CHSY3: variants seen among roughly 807,000 people sequenced by gnomAD.
The protein encoded by CHSY3 is chondroitin sulfate synthase 3, also known as N-acetylgalactosaminyl-proteoglycan 3-beta-glucuronosyltransferase 3.
In CHSY3, 35 loss-of-function variants were observed where a neutral mutation model predicts 67.2. The ratio of observed to expected loss-of-function variants is 0.52; its 90% CI spans 0.40 to 0.69. CHSY3 has a LOEUF of 0.69. Among genes scored for constraint, CHSY3 ranks in the 30% least tolerant of loss-of-function variants. The pLI, the probability that CHSY3 is intolerant of heterozygous loss-of-function variation, is 0.00. For synonymous variants in CHSY3, 474 were observed against 434.7 expected, an observed-to-expected ratio of 1.09 and a Z score of -1.12; for missense variants, 1,069 against 1,138.5, an observed-to-expected ratio of 0.94 and a Z score of 0.88.
At chr5:129,923,138 A>G (rs916354254) in intron 2 of CHSY3, among the ~76,000 whole-genome samples, 5 of 152,184 alleles carry the variant, frequency 3.3e-5, no homozygotes, top group African/African-American at 9.7e-5. Context: ...GAGGAGATGG[A>G]CTTAAGAGCT....
intron 2 of CHSY3, among the ~76,000 whole-genome samples, chr5:129,909,404 AAC>A (rs1326684220): frequency 6.6e-6 from 1 of 152,098 alleles, no homozygotes; most frequent in African/African-American, 2.4e-5. Context: ...GAAGTCACCA[AAC>A]ACACAGTTTC....
intron 2 of CHSY3, among the ~76,000 whole-genome samples, chr5:130,084,959 C>T (rs534520277): frequency 7.2e-5 from 11 of 152,098 alleles, no homozygotes; most frequent in African/African-American, 2.6e-4. Context: ...TCTTATCACA[C>T]TTACAGAGTC....
chr5:130,084,388 C>T (rs1766543196), intron 2 of CHSY3, among the ~76,000 whole-genome samples: 1 of 151,870 alleles, frequency 6.6e-6, no homozygotes, highest in Non-Finnish European at 1.5e-5. Flanking sequence ...GATCATTCCA[C>T]AATGTAGACA....
In CHSY3 at chr5:130,001,388, C is replaced by G. The variant is rs150218914; in HGVS notation, c.1086+93028C>G. ...TCTTCTTCCTCCTACTCTTCTTCTC[C>G]TTTTCCTCCAGAGTTAGTAGGCTGC... On this transcript the variant is annotated intron_variant, in intron 2 of 2. Transcript: ENST00000305031. 402 of 900,980 alleles carry G rather than the reference C, an allele frequency of 4.5e-4. 1 individual carries two copies. The African/African-American group carries it at 6.2e-3, about 14-fold the overall frequency. 55.8% of individuals were successfully genotyped at this position (900,980 alleles called of 1,614,324 possible).
intron 2 of CHSY3, among the ~76,000 whole-genome samples, chr5:130,091,146 G>GCC (rs1554082166): frequency 6.7e-6 from 1 of 149,440 alleles, no homozygotes; most frequent in Admixed American, 6.6e-5. Flanking sequence ...GCACACGCGC[G>GCC]CACACACACA....
chr5:130,122,569 CT>C (rs1425781779), intron 2 of CHSY3, among the ~76,000 whole-genome samples: 1 of 152,196 alleles, frequency 6.6e-6, no homozygotes, highest in African/African-American at 2.4e-5. Flanking sequence ...GTTTGTATCA[CT>C]TTGGAAGGGA....
At chr5:130,117,747 A>G (rs1767862162) in intron 2 of CHSY3, among the ~76,000 whole-genome samples, 1 of 152,216 alleles carries the variant, frequency 6.6e-6, no homozygotes, top group South Asian at 2.1e-4. Flanking sequence ...CTGGTATCAA[A>G]CACATCATAA....
chr5:129,958,058 T>C (rs908808473), intron 2 of CHSY3, among the ~76,000 whole-genome samples: 1 of 152,192 alleles, frequency 6.6e-6, no homozygotes, highest in African/African-American at 2.4e-5. Flanking sequence ...ATTTTTAAAA[T>C]GTGAATTTTT....
intron 2 of CHSY3, among the ~76,000 whole-genome samples, chr5:129,950,967 CACA>C (rs1338415014): frequency 6.6e-6 from 1 of 152,112 alleles, no homozygotes; most frequent in Non-Finnish European, 1.5e-5. Context: ...AAGCTGGTGG[CACA>C]ACATTTCCTG....
chr5:130,029,677 T>A (rs535396978), intron 2 of CHSY3, among the ~76,000 whole-genome samples: 8 of 152,298 alleles, frequency 5.3e-5, no homozygotes, highest in Admixed American at 1.3e-4. Flanking sequence ...CCTCTTTTTT[T>A]TAAAATAAAA....
At chr5:130,108,050 A>G (rs747929762) in intron 2 of CHSY3, among the ~76,000 whole-genome samples, 7 of 151,612 alleles carry the variant, frequency 4.6e-5, no homozygotes, top group Non-Finnish European at 7.4e-5. Context: ...AATTGCTTAT[A>G]ATTTACAAAG....
chr5:130,094,732 T>G (rs1333164663), intron 2 of CHSY3, among the ~76,000 whole-genome samples: 3 of 152,100 alleles, frequency 2.0e-5, no homozygotes, highest in Non-Finnish European at 4.4e-5. Context: ...CAGTAACAAA[T>G]GAATCTTAAC....
Position 129,999,290 on chromosome 5 carries a change from G to T in CHSY3, c.1086+90930G>T, listed in dbSNP as rs73785843. ...GAAAATTGAATGGAAAAAATGAAGAGACTGTTATGATTGAAAACAATATTA... is the reference window on the plus strand; with the variant it reads ...GAAAATTGAATGGAAAAAATGAAGATACTGTTATGATTGAAAACAATATTA... On this transcript the variant is annotated intron_variant, in intron 2 of 2. Coordinates refer to ENST00000305031, the MANE Select transcript of CHSY3 (RefSeq NM_175856.5). Among the ~76,000 whole-genome samples, 814 of 152,138 alleles carry T rather than the reference G, an allele frequency of 5.4e-3. 5 individuals carry two copies. Among genetic ancestry groups the T allele is most frequent in the African/African-American group, 0.019 (775 of 41,518 alleles).
At chr5:130,177,762 C>T (rs1483145059) in intron 2 of CHSY3, among the ~76,000 whole-genome samples, 3 of 151,712 alleles carry the variant, frequency 2.0e-5, no homozygotes, top group Admixed American at 1.3e-4. Flanking sequence ...TAGAATAAGC[C>T]CTTTGAATTT....
intron 2 of CHSY3, among the ~76,000 whole-genome samples, chr5:129,967,297 C>T (rs1762494921): frequency 6.6e-6 from 1 of 151,652 alleles, no homozygotes; most frequent in Admixed American, 6.6e-5. Flanking sequence ...GGAATCAAGT[C>T]ATGTAAATAA....
chr5:130,079,225 C>A (rs924535818), intron 2 of CHSY3, among the ~76,000 whole-genome samples: 2 of 152,104 alleles, frequency 1.3e-5, no homozygotes, highest in African/African-American at 4.8e-5. Context: ...AAGCTCAAAG[C>A]TGAGGTCAGA....
Position 130,184,620 on chromosome 5 carries a change from C to T in CHSY3, c.1478C>T (p.Thr493Ile). 1 of 1,607,572 alleles carries T rather than the reference C, an allele frequency of 6.2e-7. No individual in the cohort carries two copies. Among genetic ancestry groups the T allele is most frequent in the East Asian group, 2.2e-5 (1 of 44,846 alleles). ...CAGAGCCTCAGTAGCATTTTAAGAACAGCACTGGATGATACCGTCCTACAG... is the reference window on the plus strand; with the variant it reads ...CAGAGCCTCAGTAGCATTTTAAGAATAGCACTGGATGATACCGTCCTACAG... ...PRQSLSSILR[T>I]ALDDTVLQVM... Residue 493 changes from threonine to isoleucine, a missense_variant, in exon 3 of 3, where the codon ACA becomes ATA. Physicochemically the swap from Thr to Ile is moderately conservative, Grantham distance 89. Around this residue, in one of 5 missense-constraint regions of CHSY3, gnomAD observed 401 missense variants for 395.2 expected, o/e 1.01. Transcript: ENST00000305031.
rs561218672 is a variant in CHSY3 at position 130,176,425 on chromosome 5, A to G, written c.1087-7804A>G. 1.5e-3 allele frequency among the ~76,000 whole-genome samples: 232 copies of G among 152,298 alleles called. 2 individuals carry two copies. Among genetic ancestry groups the G allele is most frequent in the African/African-American group, 5.3e-3 (220 of 41,568 alleles). ...GGTGGGAGTGTAAATTAGTTCAACC[A>G]TTGTGGAAGACAGTGTGGTGATTCC... On this transcript the variant is annotated intron_variant, in intron 2 of 2. Transcript: ENST00000305031.
At chr5:129,932,888 A>G (rs1761362846) in intron 2 of CHSY3, among the ~76,000 whole-genome samples, 1 of 151,968 alleles carries the variant, frequency 6.6e-6, no homozygotes, top group Non-Finnish European at 1.5e-5. Flanking sequence ...CGTTAGAAGA[A>G]ATAAAGGAAT....
Sources: gnomAD v4.1 joint callset for allele counts (sites outside exome capture counted in the v4.1 genomes callset) on GRCh38, gnomAD v4.1.1 for gene constraint, gnomAD v4.1.1 regional missense constraint, MANE v1.5 for transcripts, NCBI Gene and HGNC (gene_info 2026-07-23, HGNC 2026-07-21) for gene names.